Variants in IPCEF1 observed in about 807,000 individuals in gnomAD.
IPCEF1 encodes the protein interaction protein for cytohesin exchange factors 1.
Under a neutral mutation model 50.9 loss-of-function variants are expected in IPCEF1, and 31 were observed. The ratio of observed to expected loss-of-function variants is 0.61; its 90% confidence interval spans 0.46 to 0.82. IPCEF1 has a LOEUF of 0.82. Ranked by LOEUF, IPCEF1 falls within the 40% of genes least tolerant of loss-of-function variation. The pLI is 0.00. For synonymous variants in IPCEF1, 181 were observed against 192.0 expected, an observed-to-expected ratio of 0.94 and a Z score of 0.47; for missense variants, 458 against 514.0, an observed-to-expected ratio of 0.89 and a Z score of 1.05.
chr6:154,295,595 A>G (rs1190037442), intron 1 of IPCEF1, among the ~76,000 whole-genome samples: 5 of 152,226 alleles, frequency 3.3e-5, no homozygotes, highest in Non-Finnish European at 7.3e-5. Context: ...CGCCTGCACA[A>G]GGATCTGCTG....
intron 2 of IPCEF1, among the ~76,000 whole-genome samples, chr6:154,269,262 G>A (rs942209491): frequency 1.3e-5 from 2 of 152,184 alleles, no homozygotes; most frequent in African/African-American, 4.8e-5. Context: ...CCATTAGAAA[G>A]CTCCTTCCCA....
At chr6:154,239,072 C>CA (rs1372484426) in intron 5 of IPCEF1, among the ~76,000 whole-genome samples, 2 of 152,042 alleles carry the variant, frequency 1.3e-5, no homozygotes, top group African/African-American at 4.8e-5. Flanking sequence ...TCAGCCATGG[C>CA]ATTCACTCTG....
intron 1 of IPCEF1, among the ~76,000 whole-genome samples, chr6:154,343,923 GCCGACCT>G (rs889265699): frequency 8.5e-5 from 13 of 152,276 alleles, no homozygotes; most frequent in African/African-American, 2.2e-4. Flanking sequence ...TGGCAGCATG[GCCGACCT>G]CACATATCCC....
intron 5 of IPCEF1, among the ~76,000 whole-genome samples, chr6:154,231,637 G>T (rs1005682324): frequency 2.6e-5 from 4 of 152,218 alleles, no homozygotes; most frequent in Admixed American, 2.6e-4. Context: ...TGCTAATTTT[G>T]TGTAAGAAAG....
intron 4 of IPCEF1, chr6:154,247,091 TA>T (rs1271640457): frequency 2.6e-6 from 1 of 387,344 alleles, no homozygotes; most frequent in Non-Finnish European, 4.6e-6. Context: ...TGAAAATAAT[TA>T]AAATTGTAAG....
intron 1 of IPCEF1, among the ~76,000 whole-genome samples, chr6:154,322,738 G>A (rs910149569): frequency 7.9e-5 from 12 of 152,058 alleles, no homozygotes; most frequent in Admixed American, 5.9e-4. Context: ...TCAGGAGGCT[G>A]AGGCATGAGA....
chr6:154,239,711 C>CT (rs10712453), intron 5 of IPCEF1, among the ~76,000 whole-genome samples: 2 of 151,170 alleles, frequency 1.3e-5, no homozygotes, highest in African/African-American at 2.4e-5. Flanking sequence ...ACTGAAGAAA[C>CT]TTTTTTTTTT....
At chr6:154,180,937 T>C (rs1275034504) in intron 10 of IPCEF1, among the ~76,000 whole-genome samples, 2 of 152,180 alleles carry the variant, frequency 1.3e-5, no homozygotes, top group East Asian at 3.9e-4. Flanking sequence ...TCTAAGTGCC[T>C]GAGAAAGAAA....
intron 2 of IPCEF1, among the ~76,000 whole-genome samples, chr6:154,283,385 A>G (rs1471948147): frequency 6.6e-6 from 1 of 151,374 alleles, no homozygotes; most frequent in Admixed American, 6.6e-5. Context: ...TCACAAGGTC[A>G]GGAGATCATG....
chr6:154,288,690 A>C (rs1420181610), intron 2 of IPCEF1, among the ~76,000 whole-genome samples: 12 of 106,432 alleles, frequency 1.1e-4, no homozygotes, highest in African/African-American at 3.6e-4. Flanking sequence ...AAAAAAAAAA[A>C]AAAAAAAAAA....
intron 2 of IPCEF1, among the ~76,000 whole-genome samples, chr6:154,288,287 A>T (rs543056250): frequency 3.6e-4 from 55 of 152,386 alleles, no homozygotes; most frequent in African/African-American, 1.3e-3. Flanking sequence ...AATAGCATTT[A>T]AGTTAATACG....
intron 1 of IPCEF1, among the ~76,000 whole-genome samples, chr6:154,307,212 C>T (rs940064370): frequency 1.3e-5 from 2 of 152,078 alleles, no homozygotes; most frequent in Non-Finnish European, 2.9e-5. Context: ...TGGGAGGGAC[C>T]CGGTGGGACA....
At chr6:154,227,760 A>G (rs1779374171) in intron 5 of IPCEF1, among the ~76,000 whole-genome samples, 1 of 152,348 alleles carries the variant, frequency 6.6e-6, no homozygotes, top group Non-Finnish European at 1.5e-5. Flanking sequence ...CATGTAAAAA[A>G]TAAATGGTAA....
chr6:154,275,134 G>A (rs190278910), intron 2 of IPCEF1, among the ~76,000 whole-genome samples: 4 of 152,192 alleles, frequency 2.6e-5, no homozygotes, highest in Non-Finnish European at 5.9e-5. Flanking sequence ...CCTCTCCTAC[G>A]CCAGCTCCAG....
rs539738351 is a variant in IPCEF1, at chr6:154,178,008, A to G, written c.911-9895T>C. ...TTTATAGGGACATGGATGAAGCTGGAAACCATCATTCTCAGCAAAATATCA... is the reference window on the plus strand; with the variant it reads ...TTTATAGGGACATGGATGAAGCTGGGAACCATCATTCTCAGCAAAATATCA... On this transcript the variant is annotated intron_variant, in intron 10 of 11. Coordinates refer to ENST00000367220, the MANE Select transcript of IPCEF1 (RefSeq NM_001130700.2). Among the ~76,000 whole-genome samples, 631 of 152,320 alleles carry G rather than the reference A, an allele frequency of 4.1e-3. 6 individuals carry two copies. The highest frequency in any genetic ancestry group is 0.014 in the African/African-American group (598 of 41,554).
intron 2 of IPCEF1, among the ~76,000 whole-genome samples, chr6:154,277,726 C>A (rs1212855252): frequency 6.6e-6 from 1 of 152,214 alleles, no homozygotes; most frequent in Non-Finnish European, 1.5e-5. Flanking sequence ...AGCTGGCCAG[C>A]CACTTTACTT....
chr6:154,252,790 G>T (rs1583908686), intron 3 of IPCEF1, among the ~76,000 whole-genome samples: 1 of 152,198 alleles, frequency 6.6e-6, no homozygotes, highest in African/African-American at 2.4e-5. Flanking sequence ...TGAGAGATGA[G>T]TGGGAATTGA....
intron 1 of IPCEF1, among the ~76,000 whole-genome samples, chr6:154,295,612 C>A (rs1235746772): frequency 2.6e-5 from 4 of 152,252 alleles, no homozygotes; most frequent in African/African-American, 9.6e-5. Context: ...GCTGCCTCTT[C>A]CCACACTGCT....
intron 2 of IPCEF1, among the ~76,000 whole-genome samples, chr6:154,284,016 G>A (rs1191118982): frequency 6.6e-6 from 1 of 152,158 alleles, no homozygotes; most frequent in East Asian, 1.9e-4. Context: ...ATTAAAAAAA[G>A]ATGTACACAT....
Sources: allele counts gnomAD v4.1 joint callset (sites outside exome capture counted in the v4.1 genomes callset), GRCh38; gene constraint gnomAD v4.1.1; transcripts MANE v1.5; gene names NCBI Gene and HGNC (gene_info 2026-07-23, HGNC 2026-07-21).